Variants in DEAF1 observed in about 807,000 individuals in gnomAD.
The protein encoded by DEAF1 is DEAF1 transcription factor.
In DEAF1, 53 loss-of-function variants were observed where a neutral mutation model predicts 58.9. The ratio of observed to expected loss-of-function variants is 0.90; its 90% CI spans 0.72 to 1.13. DEAF1 has a LOEUF of 1.13. Among genes scored for constraint, DEAF1 ranks in the 50% most tolerant of loss-of-function variants. The probability of loss-of-function intolerance (pLI) is 0.00; values close to 1 mark genes in which losing one functional copy is unlikely to be tolerated. For missense variants in DEAF1, 685 were observed against 791.4 expected (o/e 0.87, Z 1.61); for synonymous variants, 385 against 340.4 (o/e 1.13, Z -1.44).
At position 688,511 on chromosome 11, in the gene DEAF1, G is replaced by A. The variant is rs763383437; in HGVS notation, c.388-51C>T. On this transcript the variant is annotated intron_variant, in intron 2 of 11. Coordinates refer to ENST00000382409, the MANE Select transcript of DEAF1 (RefSeq NM_021008.4). The surrounding 1 kb of genome is among the most constrained non-coding windows in gnomAD (Gnocchi z 4.3). Reference sequence around the variant, plus strand: ...GTCACGTCCGAGAGTGACACCAGGCGTGTCACTGAGCCCAGCTGGGCCGTC... The same window carrying A: ...GTCACGTCCGAGAGTGACACCAGGCATGTCACTGAGCCCAGCTGGGCCGTC... 1.6e-5 allele frequency: 26 copies of A among 1,610,758 alleles called. No individual in the cohort carries two copies. Among genetic ancestry groups the A allele is most frequent in the East Asian group, 4.5e-5 (2 of 44,884 alleles).
At chr11:655,655 C>T (rs138658896) in intron 10 of DEAF1, among the ~76,000 whole-genome samples, 13 of 152,366 alleles carry the variant, frequency 8.5e-5, no homozygotes, top group Non-Finnish European at 1.9e-4. Flanking sequence ...TGCAGACCTG[C>T]TCCGAGGTTC....
chr11:669,721 G>C (rs576699123), intron 10 of DEAF1, among the ~76,000 whole-genome samples: 2 of 151,612 alleles, frequency 1.3e-5, no homozygotes, highest in African/African-American at 2.4e-5. Flanking sequence ...CCTGAGGTCA[G>C]GAGTTCAAGA....
At chr11:673,594 G>A (rs987771506) in intron 10 of DEAF1, among the ~76,000 whole-genome samples, 1 of 152,170 alleles carries the variant, frequency 6.6e-6, no homozygotes, top group African/African-American at 2.4e-5. Context: ...TAGATTTGGT[G>A]GGAAAAATAT....
intron 10 of DEAF1, among the ~76,000 whole-genome samples, chr11:672,072 A>G (rs1859852814): frequency 6.6e-6 from 1 of 152,112 alleles, no homozygotes. Flanking sequence ...TGGCATACCT[A>G]ATGACCATGC....
intron 11 of DEAF1, among the ~76,000 whole-genome samples, chr11:651,749 G>A (rs974902991): frequency 3.3e-5 from 5 of 152,192 alleles, no homozygotes; most frequent in Admixed American, 6.5e-5. Flanking sequence ...AGCCGGGCGT[G>A]GTGGCGGGTG....
chr11:668,423 G>GT (rs1859654077), intron 10 of DEAF1, among the ~76,000 whole-genome samples: 3 of 152,032 alleles, frequency 2.0e-5, no homozygotes, highest in South Asian at 4.1e-4. Context: ...ACATCTTTTT[G>GT]TTTTTTTGAG....
intron 9 of DEAF1, among the ~76,000 whole-genome samples, chr11:675,363 A>T (rs1286896695): frequency 1.3e-5 from 2 of 152,070 alleles, no homozygotes; most frequent in Non-Finnish European, 1.5e-5. Context: ...TACAAAACAG[A>T]AATCAAAAAC....
chr11:689,205 T>A (rs1301118117), intron 2 of DEAF1, among the ~76,000 whole-genome samples: 1 of 94,204 alleles, frequency 1.1e-5, no homozygotes, highest in African/African-American at 6.9e-5. Context: ...TCTTTTTCTT[T>A]TTTTTTTTTT....
At chr11:699,030 T>G (rs143608550), upstream of DEAF1, 666 of 983,724 alleles carry the variant, frequency 6.8e-4, 2 homozygotes, top group African/African-American at 9.6e-3. Context: ...CTTGACAGAT[T>G]TAGAGAGTTG....
At chr11:653,917 G>T in intron 11 of DEAF1, 45 bp downstream of exon 11, 2 of 1,572,508 alleles carry the variant, frequency 1.3e-6, no homozygotes, top group Non-Finnish European at 1.8e-6. Context: ...TCTTCGTAGC[G>T]AGGGAGGAGG....
chr11:701,515 AGTCTCCT>A (rs1199148488), intron 1 of DEAF1, among the ~76,000 whole-genome samples: 2 of 144,068 alleles, frequency 1.4e-5, no homozygotes, highest in Non-Finnish European at 3.0e-5. Flanking sequence ...GGTTCACGCC[AGTCTCCT>A]GTCTCAGCCT....
chr11:678,747 C>T lies in DEAF1; in HGVS notation c.1202G>A (p.Cys401Tyr). Residue 401 changes from cysteine to tyrosine, a missense_variant, in exon 9 of 12, where the codon TGC becomes TAC. Cys to Tyr is a radical substitution (Grantham distance 194, BLOSUM62 -2). Coordinates refer to ENST00000382409, the MANE Select transcript of DEAF1 (RefSeq NM_021008.4). The part of the protein sequence containing the change: ...EPHYPGYQDS[C>Y]QIAPFPEAAL... The stretch of plus-strand genomic sequence containing the variant: ...AGCTTCTGGAAACGGTGCGATCTGG[C>T]AGCTGTCCTGATAGCCGGGGTAGTG... The T allele has an allele frequency of 6.2e-7, 1 of 1,614,220 alleles. No individual in the cohort carries two copies. Among genetic ancestry groups the T allele is most frequent in the Non-Finnish European group, 8.5e-7 (1 of 1,180,032 alleles).
chr11:687,039 C>T (rs775268960), intron 4 of DEAF1, 42 bp from the exon 5 acceptor site: 8 of 1,612,348 alleles, frequency 5.0e-6, no homozygotes, highest in South Asian at 3.3e-5. Context: ...CAGGTGGGAA[C>T]GTCACCTCTG....
chr11:691,727 A>G (rs1860843501), intron 1 of DEAF1, 129 bp from the exon 2 acceptor site: 2 of 759,264 alleles, frequency 2.6e-6, no homozygotes, highest in Admixed American at 2.0e-5. Flanking sequence ...GGAAGATCTT[A>G]ACACTTCCAT....
intron 11 of DEAF1, among the ~76,000 whole-genome samples, chr11:648,411 G>C (rs956517624): frequency 6.6e-6 from 1 of 151,996 alleles, no homozygotes; most frequent in East Asian, 1.9e-4. Flanking sequence ...TAGCCAGGAT[G>C]GTCTCGATCT....
chr11:666,873 C>CAAAAAAAAAAAAA (rs532628897), intron 10 of DEAF1, among the ~76,000 whole-genome samples: 28 of 60,246 alleles, frequency 4.6e-4, no homozygotes, highest in Non-Finnish European at 6.1e-4. Flanking sequence ...ACTCTGTCTC[C>CAAAAAAAAAAAAA]AAAAAAAAAA....
chr11:650,398 A>G (rs1403409626), intron 11 of DEAF1, among the ~76,000 whole-genome samples: 1 of 150,140 alleles, frequency 6.7e-6, no homozygotes, highest in East Asian at 2.0e-4. Flanking sequence ...AAAAAAAAAA[A>G]AGGCAGAGAC....
chr11:685,082 C>CT (rs55670454), intron 5 of DEAF1, 119 bp from the exon 6 acceptor site: 38,783 of 348,478 alleles, frequency 0.11, 631 homozygotes, highest in African/African-American at 0.16. Context: ...TATAAAAATT[C>CT]TTTTTTTTTT....
chr11:683,178 ACAC>A (rs1297478821), intron 6 of DEAF1, among the ~76,000 whole-genome samples: 1 of 152,122 alleles, frequency 6.6e-6, no homozygotes, highest in African/African-American at 2.4e-5. Flanking sequence ...TGAGCTCATC[ACAC>A]CACCACTCCC....
Sources: gnomAD v4.1 joint callset for allele counts (sites outside exome capture counted in the v4.1 genomes callset) on GRCh38, gnomAD v4.1.1 for gene constraint, Gnocchi (gnomAD v3.1) non-coding constraint, MANE v1.5 for transcripts, NCBI Gene and HGNC (gene_info 2026-07-23, HGNC 2026-07-21) for gene names.